PLEC: variants seen among roughly 807,000 people sequenced by gnomAD.
PLEC encodes the protein hemidesmosomal protein 1.
Under a neutral mutation model 392.8 loss-of-function variants are expected in PLEC, and 216 were observed. The ratio of observed to expected loss-of-function variants is 0.55; its 90% CI spans 0.49 to 0.62. The LOEUF is 0.62. Ranked by LOEUF, PLEC falls within the 20% of genes least tolerant of loss-of-function variation. The pLI, the probability that PLEC is intolerant of heterozygous loss-of-function variation, is 0.00. For synonymous variants in PLEC, 3,621 were observed against 2,980.6 expected (o/e 1.21, Z -7.00); for missense variants, 6,863 against 6,563.4 (o/e 1.05, Z -1.58).
At chr8:143,940,980 G>A (rs1830356682), upstream of PLEC, among the ~76,000 whole-genome samples, 1 of 152,340 alleles carries the variant, frequency 6.6e-6, no homozygotes, top group East Asian at 1.9e-4. Context: ...AGAACCTCAG[G>A]AGTCACCAGA....
upstream of PLEC, among the ~76,000 whole-genome samples, chr8:143,941,615 C>G (rs1229878061): frequency 6.6e-6 from 1 of 152,128 alleles, no homozygotes; most frequent in African/African-American, 2.4e-5. Flanking sequence ...TACTTCCTGC[C>G]TCTGGGTGCC....
rs569032539 is a variant in PLEC at position 143,915,545 on chromosome 8, G to A, written c.*632C>T. 2.0e-5 allele frequency: 3 copies of A among 152,686 alleles called. No homozygotes were observed. Among genetic ancestry groups the A allele is most frequent in the Non-Finnish European group, 4.4e-5 (3 of 68,178 alleles). The allele number at this position is 152,686 out of a possible 1,614,324, so 9.5% of individuals were successfully genotyped here. A position where few individuals can be genotyped will look rare whatever the true frequency, so the allele number is the denominator to read the frequency against. ...TCCCCACTGGGTCTGGGTCCTCGGGGCCTGGGGTTAGAGGCCGACATGGAA... is the reference window on the plus strand; with the variant it reads ...TCCCCACTGGGTCTGGGTCCTCGGGACCTGGGGTTAGAGGCCGACATGGAA... On this transcript the variant is annotated 3_prime_UTR_variant, in exon 32 of 32. Transcript: ENST00000345136.
rs782130507 is a variant in PLEC, at chr8:143,917,746, G to A, written c.12075C>T (p.Leu4025=). 1.9e-6 allele frequency: 3 copies of A among 1,613,570 alleles called. No individual in the cohort carries two copies. The highest frequency in any genetic ancestry group is 2.2e-5 in the East Asian group (1 of 44,876). The part of the protein sequence containing the change: ...KDPYSGKLIS[L]FQAMKKGLIL... Reference sequence around the variant, plus strand: ...TCAGGCCCTTCTTCATGGCCTGGAAGAGGGAGATGAGCTTCCCAGAGTAGG... The same window carrying A: ...TCAGGCCCTTCTTCATGGCCTGGAAAAGGGAGATGAGCTTCCCAGAGTAGG... The change falls in exon 32 of 32, where the codon CTC becomes CTT. Residue 4025 remains leucine, a synonymous_variant. Coordinates refer to ENST00000345136, the MANE Select transcript of PLEC (RefSeq NM_201384.3).
chr8:143,951,005 G>C (rs1474190375), upstream of PLEC: 1 of 516,658 alleles, frequency 1.9e-6, no homozygotes, highest in Non-Finnish European at 3.4e-6. Context: ...CCCACCCACA[G>C]CCGACGGGGC....
chr8:143,932,593 G>A lies in PLEC; in HGVS notation c.1816-32C>T, dbSNP rs200846706. 7.9e-4 allele frequency: 1,270 copies of A among 1,612,162 alleles called. 1 individual carries two copies. Among genetic ancestry groups the A allele is most frequent in the Admixed American group, 1.3e-3 (79 of 60,012 alleles). On this transcript the variant is annotated intron_variant, in intron 15 of 31. Coordinates refer to ENST00000345136, the MANE Select transcript of PLEC (RefSeq NM_201384.3). ...GCAGGAGGGTGCGTGTCAGCAGGCC[G>A]CGGGCTACCCACCTCCCCCGGCTGG...
In PLEC at chr8:143,917,462, G is replaced by A. The variant is rs782599720; in HGVS notation, c.12359C>T (p.Pro4120Leu). Residue 4120 changes from proline to leucine, a missense_variant, in exon 32 of 32, where the codon CCG (proline) becomes CTG (leucine). Physicochemically the swap from Pro to Leu is moderately conservative, Grantham distance 98. Coordinates refer to ENST00000345136, the MANE Select transcript of PLEC (RefSeq NM_201384.3). Reference protein sequence around the residue: ...TDPQTGLCLLPLKEKKRERKT... With the variant: ...TDPQTGLCLLLLKEKKRERKT... ...CCGCTCCCGCTTCTTCTCCTTCAGC[G>A]GCAAGAGACACAGGCCCGTCTGGGG... is the stretch of plus-strand genomic sequence containing the variant. The A allele has an allele frequency of 3.6e-5, 58 of 1,613,604 alleles. No homozygotes were observed. The highest frequency in any genetic ancestry group is 1.1e-4 in the African/African-American group (8 of 74,934).
In PLEC at chr8:143,929,918, G is replaced by A. The variant is rs782237466; in HGVS notation, c.2739+18C>T. The A allele has an allele frequency of 9.3e-6, 15 of 1,607,432 alleles. No homozygotes were observed. In the African/African-American group the frequency reaches 1.7e-4, roughly 19 times the overall value. On this transcript the variant is annotated intron_variant, in intron 22 of 31. Transcript: ENST00000345136. ...CCTCCTCCCACCCAGAGAGCCCCCGGCTCGGGGGCAGGCGTACCGTGGCCA... is the reference window on the plus strand; with the variant it reads ...CCTCCTCCCACCCAGAGAGCCCCCGACTCGGGGGCAGGCGTACCGTGGCCA...
Position 143,945,347 on chromosome 8 carries a change from C to A in PLEC, c.523+4837G>T, listed in dbSNP as rs1454280887. ...ACGGCAGGAGACTGGCCTGGCTCCA[C>A]CCAGGAGTCCCGAAGCCCTGCTCTG... On this transcript the variant is annotated intron_variant, in intron 1 of 31. Coordinates refer to the PLEC transcript ENST00000322810. 3.6e-5 allele frequency: 13 copies of A among 361,808 alleles called. 1 individual carries two copies. The East Asian group carries it at 1.1e-3, about 30-fold the overall frequency. The allele number at this position is 361,808 out of a possible 1,614,324, so 22.4% of individuals were successfully genotyped here. A position where few individuals can be genotyped will look rare whatever the true frequency, so the allele number is the denominator to read the frequency against.
At chr8:143,971,950 G>T (rs545754770) in intron 1 of PLEC, among the ~76,000 whole-genome samples, 2 of 152,322 alleles carry the variant, frequency 1.3e-5, no homozygotes, top group East Asian at 3.9e-4. Flanking sequence ...GATCTGTCTG[G>T]CTCACCCCTG....
intron 1 of PLEC, among the ~76,000 whole-genome samples, chr8:143,949,445 G>A (rs1369871005): frequency 2.6e-5 from 4 of 152,218 alleles, no homozygotes; most frequent in East Asian, 1.9e-4. Context: ...GACAGAGGGA[G>A]GCCACAGAGA....
At chr8:143,963,522 A>G (rs1832956244) in intron 1 of PLEC, among the ~76,000 whole-genome samples, 1 of 152,214 alleles carries the variant, frequency 6.6e-6, no homozygotes, top group African/African-American at 2.4e-5. Flanking sequence ...GCCTAGCCCA[A>G]CATTGCAGTT....
upstream of PLEC, among the ~76,000 whole-genome samples, chr8:143,953,314 C>G (rs576607778): frequency 3.8e-4 from 57 of 150,758 alleles, no homozygotes; most frequent in African/African-American, 1.4e-3. Flanking sequence ...CCAGCCGGCC[C>G]GGCGCCTCTG....
chr8:143,937,383 C>T, intron 3 of PLEC, 141 bp from the exon 4 acceptor site: 1 of 693,492 alleles, frequency 1.4e-6, no homozygotes, highest in Non-Finnish European at 2.5e-6. Flanking sequence ...TCACCCTCCC[C>T]CGCAGGGAAA....
Position 143,922,188 on chromosome 8 carries a change from G to A in PLEC, c.7633C>T (p.Arg2545Trp), listed in dbSNP as rs782164998. The change falls in exon 32 of 32, where the codon CGG (arginine) becomes TGG (tryptophan). Residue 2545 changes from arginine to tryptophan, a missense_variant. Transcript: ENST00000345136. Reference protein sequence around the residue: ...QRQQQQMEQERQRLVASMEEA... With the variant: ...QRQQQQMEQEWQRLVASMEEA... ...TCCATGCTGGCCACCAGCCGCTGCC[G>A]TTCCTGCTCCATCTGCTGCTGCTGC... 128 of 1,547,600 alleles carry A rather than the reference G, an allele frequency of 8.3e-5. No homozygotes were observed. The highest frequency in any genetic ancestry group is 9.5e-5 in the Non-Finnish European group (109 of 1,150,872).
intron 1 of PLEC, among the ~76,000 whole-genome samples, chr8:143,939,131 T>C (rs2132301034): frequency 6.6e-6 from 1 of 152,246 alleles, no homozygotes; most frequent in South Asian, 2.1e-4. Context: ...GCAGAGTTCC[T>C]CGCCCTTCCA....
At chr8:143,973,665 C>T (rs1207026228), upstream of PLEC, 5 of 416,952 alleles carry the variant, frequency 1.2e-5, no homozygotes, top group African/African-American at 8.6e-5. This position sits in a 1 kb window ranked among gnomAD's most constrained non-coding sequence, Gnocchi z 5.6. Flanking sequence ...CGTCTGGGCC[C>T]CTCCCGGCGG....
Position 143,932,969 on chromosome 8 carries a change from T to A in PLEC, c.1561A>T (p.Thr521Ser). ...AGCAGGTCCTGCAGGTAGCGCAGAG[T>A]GGAGTCCTCCAGCTCGGGGCGCCTC... ...VQRRPELEDS[T>S]LRYLQDLLAW... The change falls in exon 14 of 32, where the codon ACT becomes TCT. Residue 521 changes from threonine (T) to serine (S), a missense_variant. By Grantham distance (58) the Thr-to-Ser change is moderately conservative. Coordinates refer to ENST00000345136, the MANE Select transcript of PLEC (RefSeq NM_201384.3). 2 of 1,612,188 alleles carry A rather than the reference T, an allele frequency of 1.2e-6. No homozygotes were observed. Among genetic ancestry groups the A allele is most frequent in the Admixed American group, 3.3e-5 (2 of 59,972 alleles).
Position 143,921,693 on chromosome 8 carries a change from G to A in PLEC, c.8128C>T (p.Leu2710=), listed in dbSNP as rs1554686726. 1 of 1,613,124 alleles carries A rather than the reference G, an allele frequency of 6.2e-7. No homozygotes were observed. Among genetic ancestry groups the A allele is most frequent in the South Asian group, 1.1e-5 (1 of 91,086 alleles). ...GLLLKATNEK[L]SVYAALQRQL... is the part of the protein sequence containing the mutation. ...CTCTGCAGGGCGGCGTAAACACTCA[G>A]CTTCTCATTGGTGGCCTTCAGCAAC... The change falls in exon 32 of 32, where the codon CTG becomes TTG. Residue 2710 remains leucine (L), a synonymous_variant. Coordinates refer to ENST00000345136, the MANE Select transcript of PLEC (RefSeq NM_201384.3).
upstream of PLEC, among the ~76,000 whole-genome samples, chr8:143,956,032 C>T (rs1191428850): frequency 6.6e-6 from 1 of 151,222 alleles, no homozygotes; most frequent in African/African-American, 2.4e-5. Context: ...CTCACTGCAA[C>T]CTCTGCCTCC....
Sources: gnomAD v4.1 joint callset for allele counts (sites outside exome capture counted in the v4.1 genomes callset) on GRCh38, gnomAD v4.1.1 for gene constraint, Gnocchi (gnomAD v3.1) non-coding constraint, MANE v1.5 for transcripts, NCBI Gene and HGNC (gene_info 2026-07-23, HGNC 2026-07-21) for gene names.